Variants in ADAMTS16 observed in about 807,000 individuals in gnomAD.
The protein encoded by ADAMTS16 is A disintegrin and metalloproteinase with thrombospondin motifs 16.
Under a neutral mutation model 145.8 loss-of-function variants are expected in ADAMTS16, and 94 were observed. The ratio of observed to expected loss-of-function variants is 0.64; its 90% CI spans 0.55 to 0.77. The LOEUF is 0.77. Among genes scored for constraint, ADAMTS16 ranks in the 30% least tolerant of loss-of-function variants. The pLI, the probability that ADAMTS16 is intolerant of heterozygous loss-of-function variation, is 0.00. For synonymous variants in ADAMTS16, 659 were observed against 604.3 expected (o/e 1.09, Z -1.33); for missense variants, 1,585 against 1,591.5 (o/e 1.00, Z 0.07).
At chr5:5,155,923 C>T (rs1377002698) in intron 3 of ADAMTS16, among the ~76,000 whole-genome samples, 2 of 151,990 alleles carry the variant, frequency 1.3e-5, no homozygotes, top group South Asian at 2.1e-4. Context: ...GACAGGAGGT[C>T]CACAGGGAAC....
Position 5,306,654 on chromosome 5 carries a change from C to T in ADAMTS16, c.3337C>T (p.Pro1113Ser). 1.9e-6 allele frequency: 3 copies of T among 1,614,138 alleles called. No individual in the cohort carries two copies. The highest frequency in any genetic ancestry group is 1.7e-6 in the Non-Finnish European group (2 of 1,180,022). The change falls in exon 21 of 23, where the codon CCA becomes TCA. Residue 1113 changes from proline (P) to serine (S), a missense_variant. This residue lies in a region of ADAMTS16 where 834 missense variants were observed against 811.7 expected (regional missense o/e 1.03). Coordinates refer to ENST00000274181, the MANE Select transcript of ADAMTS16 (RefSeq NM_139056.4). The stretch of plus-strand genomic sequence containing the variant: ...GCTGGAACGTGCCTGCGCCCCGCTT[C>T]CATGCCCCAGGCACCCCCCATTTGC... ...LELERACAPLPCPRHPPFAAA... is the reference protein window; with the variant it reads ...LELERACAPLSCPRHPPFAAA...
rs868130989 is a variant in ADAMTS16, at chr5:5,206,202, G to A, written c.1452-2891G>A. ...AGCACTTTGGGAGGCCGAGGCGGGC[G>A]GATCACGAGGTCAGGAGATCGAGAC... On this transcript the variant is annotated intron_variant, in intron 9 of 22. Transcript: ENST00000274181. Among the ~76,000 whole-genome samples the A allele has an allele frequency of 1.8e-4, 27 of 151,078 alleles. No individual in the cohort carries two copies. The East Asian group carries it at 5.0e-3, about 28-fold the overall frequency.
intron 3 of ADAMTS16, among the ~76,000 whole-genome samples, chr5:5,160,561 A>T (rs1033050470): frequency 6.6e-6 from 1 of 152,132 alleles, no homozygotes; most frequent in African/African-American, 2.4e-5. Context: ...TTTGAAATAG[A>T]CCCAAGTCTA....
At chr5:5,225,503 T>A (rs1736734330) in intron 11 of ADAMTS16, among the ~76,000 whole-genome samples, 1 of 151,920 alleles carries the variant, frequency 6.6e-6, no homozygotes, top group African/African-American at 2.4e-5. Context: ...CTCGGGAGGC[T>A]GAGGCAGGAG....
intron 3 of ADAMTS16, among the ~76,000 whole-genome samples, chr5:5,163,245 C>A (rs1456902867): frequency 4.6e-5 from 7 of 152,166 alleles, no homozygotes; most frequent in Non-Finnish European, 5.9e-5. Flanking sequence ...TTAGAAAATT[C>A]TTTTTAGAAA....
intron 3 of ADAMTS16, among the ~76,000 whole-genome samples, chr5:5,151,745 G>A (rs1012281046): frequency 6.7e-6 from 1 of 148,866 alleles, no homozygotes; most frequent in African/African-American, 2.5e-5. Flanking sequence ...GGGGGTAAGA[G>A]CACCTAAAAT....
intron 12 of ADAMTS16, among the ~76,000 whole-genome samples, chr5:5,233,308 G>A (rs1736996050): frequency 6.6e-6 from 1 of 152,190 alleles, no homozygotes; most frequent in Non-Finnish European, 1.5e-5. Context: ...CCAGTGTGCG[G>A]AAGTGAAGAG....
chr5:5,213,461 G>A (rs1056950528), intron 10 of ADAMTS16, among the ~76,000 whole-genome samples: 5 of 151,986 alleles, frequency 3.3e-5, no homozygotes, highest in Non-Finnish European at 7.4e-5. Flanking sequence ...TATAGTTTCT[G>A]TTTATCTTCT....
At position 5,140,854 on chromosome 5, in the gene ADAMTS16, T is replaced by C; in HGVS notation, c.175+88T>C. 1.5e-6 allele frequency: 2 copies of C among 1,301,664 alleles called. 1 individual carries two copies. Among genetic ancestry groups the C allele is most frequent in the South Asian group, 3.0e-5 (2 of 67,780 alleles). The allele number at this position is 1,301,664 out of a possible 1,614,324, so 80.6% of individuals were successfully genotyped here. On this transcript the variant is annotated intron_variant, in intron 2 of 22. Coordinates refer to ENST00000274181, the MANE Select transcript of ADAMTS16 (RefSeq NM_139056.4). ...CTGGTTTATTAGGTGCTGTGAATGT[T>C]CACGACTCTGTGGAACCCTACTTTT...
chr5:5,229,304 C>CAAAAAA (rs1195176050), intron 11 of ADAMTS16, among the ~76,000 whole-genome samples: 11 of 75,316 alleles, frequency 1.5e-4, no homozygotes, highest in African/African-American at 3.2e-4. Flanking sequence ...GACTCCGTCT[C>CAAAAAA]AAAAAAAAAA....
chr5:5,205,071 G>A (rs1579309208), intron 9 of ADAMTS16, among the ~76,000 whole-genome samples: 2 of 150,096 alleles, frequency 1.3e-5, no homozygotes, highest in East Asian at 2.0e-4. Context: ...AATCTTTTGT[G>A]CATGTAAAAA....
intron 18 of ADAMTS16, among the ~76,000 whole-genome samples, chr5:5,278,990 G>T (rs927481448): frequency 6.6e-6 from 1 of 152,164 alleles, no homozygotes; most frequent in African/African-American, 2.4e-5. Context: ...CAGGTTGTAG[G>T]TAGACTGAAT....
chr5:5,319,058 C>A lies in ADAMTS16; in HGVS notation c.3595C>A (p.Leu1199Met). The A allele has an allele frequency of 1.2e-6, 2 of 1,613,470 alleles. No individual in the cohort carries two copies. Among genetic ancestry groups the A allele is most frequent in the Non-Finnish European group, 1.7e-6 (2 of 1,179,806 alleles). Reference protein sequence around the residue: ...FCKDYFHWCYLVPQHGMCSHK... With the variant: ...FCKDYFHWCYMVPQHGMCSHK... ...CAAAGACTACTTCCACTGGTGCTAC[C>A]TGGTACCCCAGCACGGGATGTGCAG... The change falls in exon 23 of 23, where the codon CTG (leucine) becomes ATG (methionine). Residue 1199 changes from leucine to methionine, a missense_variant. Coordinates refer to ENST00000274181, the MANE Select transcript of ADAMTS16 (RefSeq NM_139056.4).
chr5:5,173,208 C>G (rs1275031783), intron 3 of ADAMTS16, among the ~76,000 whole-genome samples: 1 of 150,428 alleles, frequency 6.6e-6, no homozygotes, highest in Non-Finnish European at 1.5e-5. Context: ...CATTCAGCCA[C>G]TCTATGTCTT....
intron 18 of ADAMTS16, among the ~76,000 whole-genome samples, chr5:5,270,614 C>G (rs1169925639): frequency 6.6e-6 from 1 of 152,228 alleles, no homozygotes; most frequent in African/African-American, 2.4e-5. Context: ...AATGGACCTA[C>G]ATGGCATATG....
At chr5:5,231,450 A>G (rs570394537) in intron 11 of ADAMTS16, among the ~76,000 whole-genome samples, 77 of 150,720 alleles carry the variant, frequency 5.1e-4, no homozygotes, top group Non-Finnish European at 9.3e-4. Context: ...TTTTTCTGTC[A>G]GTACAAATCT....
chr5:5,163,501 G>A (rs150671186), intron 3 of ADAMTS16, among the ~76,000 whole-genome samples: 12 of 152,308 alleles, frequency 7.9e-5, no homozygotes, highest in African/African-American at 2.9e-4. Context: ...TTTATGAATG[G>A]TCAAATTTGG....
intron 18 of ADAMTS16, among the ~76,000 whole-genome samples, chr5:5,272,458 T>TTCACACCA: frequency 6.7e-6 from 1 of 148,374 alleles, no homozygotes. Context: ...GCCTCCCGAG[T>TTCACACCA]TCACACCATT....
chr5:5,283,926 T>C (rs1739019126), intron 18 of ADAMTS16, among the ~76,000 whole-genome samples: 1 of 152,234 alleles, frequency 6.6e-6, no homozygotes, highest in Non-Finnish European at 1.5e-5. Flanking sequence ...ATTTTCTTTA[T>C]AATTTTTTAT....
Sources: gnomAD v4.1 joint callset for allele counts (sites outside exome capture counted in the v4.1 genomes callset) on GRCh38, gnomAD v4.1.1 for gene constraint, gnomAD v4.1.1 regional missense constraint, MANE v1.5 for transcripts, NCBI Gene and HGNC (gene_info 2026-07-23, HGNC 2026-07-21) for gene names.